The following GLCE variants were observed in gnomAD, a reference collection of about 807,000 sequenced individuals.
GLCE encodes glucuronic acid epimerase, also known as D-glucuronyl C5-epimerase.
A neutral mutation model predicts 47.9 loss-of-function variants in GLCE; 19 were observed. The observed-to-expected ratio is 0.40, with a 90% CI of 0.28 to 0.58. GLCE has a LOEUF of 0.58. Among genes scored for constraint, GLCE ranks in the 20% least tolerant of loss-of-function variants. The pLI, the probability that GLCE is intolerant of heterozygous loss-of-function variation, is 0.48. For synonymous variants in GLCE, 245 were observed against 263.4 expected, an observed-to-expected ratio of 0.93 and a Z score of 0.68; for missense variants, 556 against 743.3, an observed-to-expected ratio of 0.75 and a Z score of 2.93.
Position 69,270,743 on chromosome 15 carries a change from A to AG in GLCE, c.*1504dup, listed in dbSNP as rs896433426. ...GAAAACATATATATGTTAGCATCAA[A>AG]GGGGGCAGAAGCAAAGAAGATACAG... On this transcript the variant is annotated 3_prime_UTR_variant, in exon 5 of 5. Coordinates refer to ENST00000261858, the MANE Select transcript of GLCE (RefSeq NM_015554.3). 2 of 152,200 alleles carry AG rather than the reference A, an allele frequency of 1.3e-5. No individual in the cohort carries two copies. Among genetic ancestry groups the AG allele is most frequent in the African/African-American group, 2.4e-5 (1 of 41,448 alleles). 9.4% of individuals were successfully genotyped at this position (152,200 alleles called of 1,614,324 possible).
chr15:69,211,386 T>C (rs2052232083), intron 2 of GLCE, among the ~76,000 whole-genome samples: 1 of 152,084 alleles, frequency 6.6e-6, no homozygotes, highest in African/African-American at 2.4e-5. Flanking sequence ...GTGTTTTTAA[T>C]ATCTGTTCTA....
intron 1 of GLCE, among the ~76,000 whole-genome samples, chr15:69,193,887 T>C (rs1487371307): frequency 1.3e-5 from 2 of 152,168 alleles, no homozygotes; most frequent in Non-Finnish European, 2.9e-5. Flanking sequence ...GCCTTTGTAG[T>C]AGGTGTCTTT....
In GLCE at chr15:69,260,252, G is replaced by GCTTT. The variant is rs57452657; in HGVS notation, c.587-835_587-834insCTTT. ...ATTTTAAATTGCCAAGTCACAACTGGTTTTTTTTTTTTTTTTTTTTTTTTT... is the reference window on the plus strand; with the variant it reads ...ATTTTAAATTGCCAAGTCACAACTGGCTTTTTTTTTTTTTTTTTTTTTTTTTTTT... On this transcript the variant is annotated intron_variant, in intron 3 of 4. Transcript: ENST00000261858. Among the ~76,000 whole-genome samples, 666 of 79,282 alleles carry GCTTT rather than the reference G, an allele frequency of 8.4e-3. 29 individuals are homozygous for GCTTT. Among genetic ancestry groups the GCTTT allele is most frequent in the African/African-American group, 0.027 (632 of 23,356 alleles). 52.0% of individuals were successfully genotyped at this position (79,282 alleles called of 152,430 possible).
At chr15:69,166,883 T>C (rs1314682228) in intron 1 of GLCE, among the ~76,000 whole-genome samples, 1 of 109,780 alleles carries the variant, frequency 9.1e-6, no homozygotes, top group African/African-American at 3.6e-5. Context: ...TTGTCCAGCC[T>C]GGCCGACAGA....
At chr15:69,181,084 G>T (rs1367721459) in intron 1 of GLCE, among the ~76,000 whole-genome samples, 1 of 152,116 alleles carries the variant, frequency 6.6e-6, no homozygotes, top group African/African-American at 2.4e-5. Flanking sequence ...AGAGGTTAAG[G>T]GTGATACAAA....
intron 1 of GLCE, among the ~76,000 whole-genome samples, chr15:69,200,659 A>C (rs1286998129): frequency 6.6e-6 from 1 of 152,156 alleles, no homozygotes; most frequent in African/African-American, 2.4e-5. Context: ...TTATTGAACC[A>C]GTATCAGGGT....
chr15:69,237,420 C>A lies in GLCE; in HGVS notation c.-13-18374C>A, dbSNP rs144434776. ...GACCAGCCTGGCCAACATGGTTAAA[C>A]CCCGTCTCTACTAAAAGTACAAAAA... On this transcript the variant is annotated intron_variant, in intron 2 of 4. Coordinates refer to ENST00000261858, the MANE Select transcript of GLCE (RefSeq NM_015554.3). 4.5e-4 allele frequency among the ~76,000 whole-genome samples: 69 copies of A among 152,208 alleles called. 1 individual carries two copies. The East Asian group carries it at 9.9e-3, about 22-fold the overall frequency.
chr15:69,187,383 C>T (rs2051840121), intron 1 of GLCE, among the ~76,000 whole-genome samples: 1 of 152,036 alleles, frequency 6.6e-6, no homozygotes, highest in South Asian at 2.1e-4. Context: ...TACAAGCATA[C>T]CAAACATTTA....
At chr15:69,195,507 T>C (rs1595748405) in intron 1 of GLCE, among the ~76,000 whole-genome samples, 1 of 152,256 alleles carries the variant, frequency 6.6e-6, no homozygotes, top group East Asian at 1.9e-4. Context: ...CTTTCACCTC[T>C]AGACTTTGAA....
chr15:69,205,290 TTATAAGATTCA>T (rs2052134977), intron 1 of GLCE, among the ~76,000 whole-genome samples: 2 of 152,164 alleles, frequency 1.3e-5, no homozygotes, highest in South Asian at 4.1e-4. Flanking sequence ...AGCATATGCC[TTATAAGATTCA>T]TATAAGTTGT....
intron 3 of GLCE, among the ~76,000 whole-genome samples, chr15:69,258,714 A>G (rs2140443788): frequency 6.6e-6 from 1 of 152,302 alleles, no homozygotes; most frequent in South Asian, 2.1e-4. Flanking sequence ...TCAACCATTT[A>G]TCCTTTCTTA....
intron 1 of GLCE, among the ~76,000 whole-genome samples, chr15:69,179,491 A>G (rs540718391): frequency 2.6e-5 from 4 of 152,264 alleles, no homozygotes; most frequent in African/African-American, 9.6e-5. Context: ...GTATGTGTGT[A>G]ATTGTTTGCA....
intron 2 of GLCE, among the ~76,000 whole-genome samples, chr15:69,240,304 AAAAAAAG>A (rs1380542828): frequency 1.1e-3 from 39 of 34,652 alleles, no homozygotes; most frequent in African/African-American, 3.0e-3. Flanking sequence ...AAAAAAAAAA[AAAAAAAG>A]AAAAGAAATA....
intron 1 of GLCE, among the ~76,000 whole-genome samples, chr15:69,167,103 G>A (rs908667815): frequency 2.0e-5 from 3 of 148,794 alleles, no homozygotes; most frequent in Non-Finnish European, 4.5e-5. Context: ...GTAATCCCAG[G>A]TACTCGGGAG....
chr15:69,251,558 G>C (rs529600572), intron 2 of GLCE, among the ~76,000 whole-genome samples: 107 of 152,092 alleles, frequency 7.0e-4, no homozygotes, highest in African/African-American at 2.4e-3. Context: ...TATTAGATAG[G>C]CTTTTGCACA....
intron 1 of GLCE, chr15:69,197,562 G>A (rs1235480488): frequency 1.3e-5 from 2 of 154,658 alleles, no homozygotes; most frequent in African/African-American, 2.4e-5. Flanking sequence ...TGAGAACCAT[G>A]TATTTCAAGG....
chr15:69,186,125 G>A (rs893156335), intron 1 of GLCE, among the ~76,000 whole-genome samples: 2 of 152,142 alleles, frequency 1.3e-5, no homozygotes, highest in Non-Finnish European at 1.5e-5. Context: ...ACCTCCGTAT[G>A]TTCAGCTATC....
chr15:69,189,386 T>C (rs1204175637), intron 1 of GLCE, among the ~76,000 whole-genome samples: 1 of 152,212 alleles, frequency 6.6e-6, no homozygotes, highest in Non-Finnish European at 1.5e-5. Flanking sequence ...CATTTCTCTT[T>C]AGCGCTGAAT....
At chr15:69,214,999 G>A (rs1023352796) in intron 2 of GLCE, among the ~76,000 whole-genome samples, 31 of 152,050 alleles carry the variant, frequency 2.0e-4, no homozygotes, top group African/African-American at 7.5e-4. Context: ...AATCTACTGT[G>A]CCATTTCATT....
Sources: gnomAD v4.1 joint callset for allele counts (sites outside exome capture counted in the v4.1 genomes callset) on GRCh38, gnomAD v4.1.1 for gene constraint, MANE v1.5 for transcripts, NCBI Gene and HGNC (gene_info 2026-07-23, HGNC 2026-07-21) for gene names.